The following CCDC91 variants were observed in gnomAD, a reference collection of about 807,000 sequenced individuals.
The protein encoded by CCDC91 is coiled-coil domain-containing protein 91.
In CCDC91, 48 loss-of-function variants were observed where a neutral mutation model predicts 63.2. That is an observed-to-expected ratio of 0.76 (90% confidence interval 0.60 to 0.97). The LOEUF is 0.97. Among genes scored for constraint, CCDC91 ranks in the 50% least tolerant of loss-of-function variants. The pLI is 0.00. For missense variants in CCDC91, 500 were observed against 494.6 expected, an observed-to-expected ratio of 1.01 and a Z score of -0.10; for synonymous variants, 167 against 165.8, an observed-to-expected ratio of 1.01 and a Z score of -0.06.
chr12:28,249,839 T>C (rs1946005262), intron 1 of CCDC91, among the ~76,000 whole-genome samples: 1 of 152,148 alleles, frequency 6.6e-6, no homozygotes, highest in African/African-American at 2.4e-5. Flanking sequence ...GGAAGTAGTA[T>C]ATCTTACCTT....
At chr12:28,363,860 G>A (rs559602603) in intron 7 of CCDC91, among the ~76,000 whole-genome samples, 37 of 107,182 alleles carry the variant, frequency 3.5e-4, no homozygotes, top group Non-Finnish European at 5.9e-4. Context: ...CTGGGCAACA[G>A]AGCAAGGCTC....
chr12:28,466,776 C>T (rs982376933), intron 11 of CCDC91, among the ~76,000 whole-genome samples: 2 of 151,982 alleles, frequency 1.3e-5, no homozygotes, highest in African/African-American at 4.8e-5. Flanking sequence ...TCTGAATGTG[C>T]AAAACTCTCT....
chr12:28,478,016 C>G (rs531172605), intron 11 of CCDC91, among the ~76,000 whole-genome samples: 1 of 152,076 alleles, frequency 6.6e-6, no homozygotes, highest in Non-Finnish European at 1.5e-5. Flanking sequence ...TAATCAATAT[C>G]GTGAAAATGG....
At chr12:28,484,235 T>C (rs1281128749) in intron 12 of CCDC91, 70 bp downstream of exon 12, 6 of 743,684 alleles carry the variant, frequency 8.1e-6, no homozygotes, top group Non-Finnish European at 1.3e-5. Context: ...TACAATAACA[T>C]GAAATTGTAA....
chr12:28,294,104 A>G (rs1311165894), intron 3 of CCDC91, among the ~76,000 whole-genome samples: 2 of 151,994 alleles, frequency 1.3e-5, no homozygotes, highest in Non-Finnish European at 2.9e-5. Context: ...TTATAATTAA[A>G]CTCAGAATCT....
At chr12:28,477,826 A>G (rs1026743768) in intron 11 of CCDC91, among the ~76,000 whole-genome samples, 14 of 152,078 alleles carry the variant, frequency 9.2e-5, no homozygotes, top group Admixed American at 7.9e-4. Flanking sequence ...ATAACAGACA[A>G]ACAGAGAGCC....
intron 1 of CCDC91, among the ~76,000 whole-genome samples, chr12:28,256,364 C>T (rs1946444968): frequency 6.6e-6 from 1 of 151,322 alleles, no homozygotes; most frequent in African/African-American, 2.4e-5. Context: ...TGTATACTTC[C>T]TCTTACTAAT....
chr12:28,447,768 A>C (rs547448302), intron 8 of CCDC91, among the ~76,000 whole-genome samples: 418 of 25,890 alleles, frequency 0.016, 10 homozygotes, highest in South Asian at 0.071. Flanking sequence ...GAGGGAAGGG[A>C]AGGGCAGGGC....
intron 6 of CCDC91, among the ~76,000 whole-genome samples, chr12:28,350,465 T>C (rs901274228): frequency 1.3e-5 from 2 of 152,234 alleles, no homozygotes; most frequent in Admixed American, 1.3e-4. Context: ...ATTGTATTAA[T>C]GTACTGGTGT....
chr12:28,465,191 G>A (rs1443709570), intron 11 of CCDC91, among the ~76,000 whole-genome samples: 1 of 152,206 alleles, frequency 6.6e-6, no homozygotes, highest in Non-Finnish European at 1.5e-5. Context: ...CTCAGCCATA[G>A]TGTAATGGAA....
intron 6 of CCDC91, among the ~76,000 whole-genome samples, chr12:28,310,466 G>A (rs577544150): frequency 6.6e-6 from 1 of 152,136 alleles, no homozygotes; most frequent in Non-Finnish European, 1.5e-5. Flanking sequence ...GTAGGAATCA[G>A]TACTTTCAAA....
intron 8 of CCDC91, among the ~76,000 whole-genome samples, chr12:28,401,351 CT>C (rs1946610904): frequency 6.6e-6 from 1 of 152,134 alleles, no homozygotes; most frequent in African/African-American, 2.4e-5. Context: ...ACCATCAGTT[CT>C]AATGAGAACT....
chr12:28,495,625 G>A (rs545843260), intron 12 of CCDC91, among the ~76,000 whole-genome samples: 2 of 151,798 alleles, frequency 1.3e-5, no homozygotes, highest in South Asian at 2.1e-4. Context: ...TTTACCTTTC[G>A]AGGAGCAATG....
At chr12:28,325,214 A>C (rs1439421156) in intron 6 of CCDC91, among the ~76,000 whole-genome samples, 1 of 152,024 alleles carries the variant, frequency 6.6e-6, no homozygotes, top group Admixed American at 6.6e-5. Flanking sequence ...AAACAATGGC[A>C]ATGTTTGGTT....
At chr12:28,306,496 A>G (rs1234094759) in intron 4 of CCDC91, among the ~76,000 whole-genome samples, 2 of 152,060 alleles carry the variant, frequency 1.3e-5, no homozygotes, top group Admixed American at 1.3e-4. Flanking sequence ...CTTTTAGTGC[A>G]TTGGTAGCAA....
chr12:28,305,340 T>C (rs1192688981), intron 3 of CCDC91, among the ~76,000 whole-genome samples: 1 of 152,020 alleles, frequency 6.6e-6, no homozygotes, highest in Non-Finnish European at 1.5e-5. Flanking sequence ...TATGAGTATT[T>C]TCTCTATGTT....
chr12:28,536,038 A>T (rs565828723), intron 12 of CCDC91, among the ~76,000 whole-genome samples: 5,269 of 151,828 alleles, frequency 0.035, 301 homozygotes, highest in African/African-American at 0.12. Context: ...CAAAAAAAAA[A>T]AAAAATATAT....
chr12:28,326,772 C>A (rs990249742), intron 6 of CCDC91, among the ~76,000 whole-genome samples: 1 of 151,902 alleles, frequency 6.6e-6, no homozygotes, highest in African/African-American at 2.4e-5. Flanking sequence ...TAAATGAAAC[C>A]GGCTTTATTG....
chr12:28,479,064 G>C (rs1424066652), intron 11 of CCDC91, among the ~76,000 whole-genome samples: 2 of 152,080 alleles, frequency 1.3e-5, no homozygotes, highest in East Asian at 3.9e-4. Flanking sequence ...GCGATTCCTC[G>C]AGGATCTAGA....
Sources: gnomAD v4.1 joint callset for allele counts (sites outside exome capture counted in the v4.1 genomes callset) on GRCh38, gnomAD v4.1.1 for gene constraint, MANE v1.5 for transcripts, NCBI Gene and HGNC (gene_info 2026-07-23, HGNC 2026-07-21) for gene names.